The following EXOC4 variants were observed in gnomAD, a reference collection of about 807,000 sequenced individuals.
The protein encoded by EXOC4 is exocyst complex component 4.
Under a neutral mutation model 107.2 loss-of-function variants are expected in EXOC4, and 71 were observed. The ratio of observed to expected loss-of-function variants is 0.66; its 90% CI spans 0.55 to 0.81. The LOEUF (loss-of-function observed/expected upper bound fraction) is 0.81, where lower values mean the gene tolerates loss of function less well. Among genes scored for constraint, EXOC4 ranks in the 30% least tolerant of loss-of-function variants. The probability of loss-of-function intolerance (pLI) is 0.00; values close to 1 mark genes in which losing one functional copy is unlikely to be tolerated. For missense variants in EXOC4, 1,108 were observed against 1,189.6 expected (o/e 0.93, Z 1.01); for synonymous variants, 456 against 441.2 (o/e 1.03, Z -0.42).
At chr7:133,521,954 T>G (rs1298158051) in intron 9 of EXOC4, among the ~76,000 whole-genome samples, 1 of 151,862 alleles carries the variant, frequency 6.6e-6, no homozygotes, top group African/African-American at 2.4e-5. Flanking sequence ...TGTTTGTAAC[T>G]TTAACAATAT....
chr7:134,036,181 A>T (rs1196645610), intron 17 of EXOC4, among the ~76,000 whole-genome samples: 1 of 152,200 alleles, frequency 6.6e-6, no homozygotes, highest in Non-Finnish European at 1.5e-5. Flanking sequence ...TTTAATGACA[A>T]ACGTAATTCA....
At chr7:133,998,575 G>A (rs1177636263) in intron 15 of EXOC4, among the ~76,000 whole-genome samples, 1 of 152,134 alleles carries the variant, frequency 6.6e-6, no homozygotes, top group Non-Finnish European at 1.5e-5. Context: ...TGATGAACAA[G>A]CTGGGTGGGG....
chr7:133,426,720 T>G (rs1797735186), intron 7 of EXOC4, among the ~76,000 whole-genome samples: 1 of 152,272 alleles, frequency 6.6e-6, no homozygotes, highest in South Asian at 2.1e-4. Flanking sequence ...GTAGGTTCTT[T>G]CTGCTGTAAA....
At chr7:133,505,860 T>C (rs1799656238) in intron 9 of EXOC4, among the ~76,000 whole-genome samples, 1 of 152,166 alleles carries the variant, frequency 6.6e-6, no homozygotes, top group South Asian at 2.1e-4. Context: ...TTTCAGTTGC[T>C]ATGATTTTGT....
At chr7:133,598,182 A>G (rs1369341065) in intron 9 of EXOC4, among the ~76,000 whole-genome samples, 1 of 152,168 alleles carries the variant, frequency 6.6e-6, no homozygotes, top group Non-Finnish European at 1.5e-5. Context: ...ACCTAACTAC[A>G]AGGGAGGGCC....
At chr7:133,777,026 A>G (rs974429064) in intron 10 of EXOC4, among the ~76,000 whole-genome samples, 7 of 152,202 alleles carry the variant, frequency 4.6e-5, no homozygotes, top group African/African-American at 1.4e-4. Flanking sequence ...TTCTAAATAC[A>G]GGACCATTTG....
chr7:133,570,311 T>C (rs2150958501), intron 9 of EXOC4, among the ~76,000 whole-genome samples: 1 of 152,328 alleles, frequency 6.6e-6, no homozygotes, highest in East Asian at 1.9e-4. Context: ...TCATCCAGTT[T>C]AGTCACATTA....
chr7:133,568,410 C>T (rs1800952590), intron 9 of EXOC4, among the ~76,000 whole-genome samples: 1 of 152,052 alleles, frequency 6.6e-6, no homozygotes, highest in Admixed American at 6.6e-5. Context: ...ATTTGTGACA[C>T]AGTTATAAAA....
At chr7:133,608,552 T>C (rs1363921131) in intron 9 of EXOC4, among the ~76,000 whole-genome samples, 11 of 142,472 alleles carry the variant, frequency 7.7e-5, no homozygotes, top group Admixed American at 2.1e-4. Context: ...ATTTCTTTTT[T>C]TTTTTTTTTT....
At chr7:133,616,929 T>G (rs555284168) in intron 9 of EXOC4, among the ~76,000 whole-genome samples, 1 of 152,114 alleles carries the variant, frequency 6.6e-6, no homozygotes. Flanking sequence ...GAAATCAAAA[T>G]TCATAGATTG....
chr7:133,518,311 G>A (rs1453652702), intron 9 of EXOC4, among the ~76,000 whole-genome samples: 2 of 141,974 alleles, frequency 1.4e-5, no homozygotes, highest in African/African-American at 5.3e-5. Flanking sequence ...TTTCGTTACA[G>A]TCTTCTATAC....
Position 133,999,969 on chromosome 7 carries a change from A to G in EXOC4, c.2348+2336A>G, listed in dbSNP as rs908744370. On this transcript the variant is annotated intron_variant, in intron 15 of 17. Transcript: ENST00000253861. Reference sequence around the variant, plus strand: ...CCATATCTTCTTCAACATTAGTCTAAAAACAGAAAAATGTCATTTTTAAGA... The same window carrying G: ...CCATATCTTCTTCAACATTAGTCTAGAAACAGAAAAATGTCATTTTTAAGA... Among the ~76,000 whole-genome samples, 4 of 152,180 alleles carry G rather than the reference A, an allele frequency of 2.6e-5. No homozygotes were observed. The East Asian group carries it at 5.8e-4, about 22-fold the overall frequency.
intron 9 of EXOC4, among the ~76,000 whole-genome samples, chr7:133,619,260 G>A (rs966323291): frequency 3.3e-5 from 5 of 152,128 alleles, no homozygotes; most frequent in East Asian, 1.9e-4. Context: ...CGATCTCTCC[G>A]GCTTCTCTTA....
chr7:133,708,576 C>T (rs1223859826), intron 10 of EXOC4, among the ~76,000 whole-genome samples: 1 of 152,154 alleles, frequency 6.6e-6, no homozygotes, highest in East Asian at 1.9e-4. Flanking sequence ...AGAGAAGTGT[C>T]CATTTTGTTG....
At chr7:133,376,575 G>T (rs572803168) in intron 7 of EXOC4, among the ~76,000 whole-genome samples, 2 of 152,132 alleles carry the variant, frequency 1.3e-5, no homozygotes, top group African/African-American at 4.8e-5. Flanking sequence ...CATCTTCCTC[G>T]TGAATACTTT....
intron 7 of EXOC4, among the ~76,000 whole-genome samples, chr7:133,380,879 T>G (rs1432309090): frequency 6.6e-6 from 1 of 152,222 alleles, no homozygotes; most frequent in East Asian, 1.9e-4. Flanking sequence ...AAATAACATT[T>G]TATTTCATGT....
At chr7:134,045,384 T>C (rs1213317821) in intron 17 of EXOC4, among the ~76,000 whole-genome samples, 1 of 152,202 alleles carries the variant, frequency 6.6e-6, no homozygotes, top group Non-Finnish European at 1.5e-5. Flanking sequence ...GACATGACTT[T>C]AATACATTTC....
intron 11 of EXOC4, among the ~76,000 whole-genome samples, chr7:133,850,634 A>ACC (rs765233180): frequency 0.1 from 14,610 of 146,430 alleles, 832 homozygotes; most frequent in Middle Eastern, 0.13. Context: ...TATCTAGGTT[A>ACC]CCCCCCCACA....
intron 14 of EXOC4, among the ~76,000 whole-genome samples, chr7:133,990,025 T>G (rs1304491864): frequency 1.3e-5 from 2 of 152,156 alleles, no homozygotes; most frequent in Non-Finnish European, 2.9e-5. Flanking sequence ...CTGTACGTAT[T>G]TTGGGGGTAC....
Sources: gnomAD v4.1 joint callset for allele counts (sites outside exome capture counted in the v4.1 genomes callset) on GRCh38, gnomAD v4.1.1 for gene constraint, MANE v1.5 for transcripts, NCBI Gene and HGNC (gene_info 2026-07-23, HGNC 2026-07-21) for gene names.